Variants in POLR3B observed in about 807,000 individuals in gnomAD.
POLR3B encodes the protein DNA-directed RNA polymerase III subunit RPC2.
A neutral mutation model predicts 147.4 loss-of-function variants in POLR3B; 96 were observed. The observed-to-expected ratio is 0.65, with a 90% confidence interval of 0.55 to 0.77. The LOEUF is 0.77. Among genes scored for constraint, POLR3B ranks in the 30% least tolerant of loss-of-function variants. The pLI, the probability that POLR3B is intolerant of heterozygous loss-of-function variation, is 0.00. For synonymous variants in POLR3B, 461 were observed against 485.9 expected, an observed-to-expected ratio of 0.95 and a Z score of 0.67; for missense variants, 1,036 against 1,413.5, an observed-to-expected ratio of 0.73 and a Z score of 4.28.
At chr12:106,406,034 A>G (rs199750643) in intron 11 of POLR3B, 58 bp downstream of exon 11, 17 of 1,582,412 alleles carry the variant, frequency 1.1e-5, no homozygotes, top group Non-Finnish European at 1.5e-5. Flanking sequence ...TTCCTGTTAG[A>G]GAACTGTGAT....
chr12:106,434,244 G>A (rs987241215), intron 16 of POLR3B, among the ~76,000 whole-genome samples: 1 of 152,142 alleles, frequency 6.6e-6, no homozygotes, highest in African/African-American at 2.4e-5. Flanking sequence ...TAAGAAATGA[G>A]GAAACTGAGG....
intron 12 of POLR3B, among the ~76,000 whole-genome samples, chr12:106,416,733 A>G (rs2037308702): frequency 6.6e-6 from 1 of 152,108 alleles, no homozygotes; most frequent in South Asian, 2.1e-4. Context: ...ATTCATAAGC[A>G]CAGTTTCCTC....
At chr12:106,408,274 A>G (rs1009027415) in intron 11 of POLR3B, among the ~76,000 whole-genome samples, 1 of 152,150 alleles carries the variant, frequency 6.6e-6, no homozygotes, top group Non-Finnish European at 1.5e-5. Context: ...GTGTAGAGGG[A>G]AAAACACGGG....
In POLR3B at chr12:106,510,162, T is replaced by G. The variant is rs1260991869; in HGVS notation, c.*613T>G. 2.6e-5 allele frequency: 4 copies of G among 155,870 alleles called. No individual in the cohort carries two copies. The highest frequency in any genetic ancestry group is 9.6e-5 in the African/African-American group (4 of 41,490). The allele number at this position is 155,870 out of a possible 1,614,324, so 9.7% of individuals were successfully genotyped here. A position where few individuals can be genotyped will look rare whatever the true frequency, so the allele number is the denominator to read the frequency against. On this transcript the variant is annotated 3_prime_UTR_variant, in exon 28 of 28. Coordinates refer to ENST00000228347, the MANE Select transcript of POLR3B (RefSeq NM_018082.6). ...CTATTATTTTAAACCTGCATGATTG[T>G]ACCATGCAATACTATTCGTTAAATA...
At chr12:106,495,327 ATTCCATTTCTAATTCT>A (rs2038462911) in intron 23 of POLR3B, among the ~76,000 whole-genome samples, 1 of 152,162 alleles carries the variant, frequency 6.6e-6, no homozygotes, top group South Asian at 2.1e-4. Flanking sequence ...CATTCTTAGA[ATTCCATTTCTAATTCT>A]AGCCTTTTTT....
chr12:106,412,119 T>C (rs945242251), intron 12 of POLR3B, among the ~76,000 whole-genome samples: 2 of 152,208 alleles, frequency 1.3e-5, no homozygotes, highest in Non-Finnish European at 2.9e-5. Flanking sequence ...TTTCTTCTTA[T>C]GTCTGATAAT....
rs2038494965 is a variant in POLR3B, at chr12:106,496,823, G to A, written c.2889G>A (p.Ala963=). The A allele has an allele frequency of 1.1e-5, 17 of 1,613,976 alleles. No homozygotes were observed. The highest frequency in any genetic ancestry group is 1.4e-5 in the Non-Finnish European group (16 of 1,179,884). ...ACGGCAGATTCCACTACGGCACTGCGTTTGGAGGCAGTAAAGTGAAGGATG... is the reference window on the plus strand; with the variant it reads ...ACGGCAGATTCCACTACGGCACTGCATTTGGAGGCAGTAAAGTGAAGGATG... ...VLDGRFHYGT[A]FGGSKVKDVC... The change falls in exon 25 of 28, where the codon GCG becomes GCA. Residue 963 remains alanine, a synonymous_variant. Coordinates refer to ENST00000228347, the MANE Select transcript of POLR3B (RefSeq NM_018082.6).
At chr12:106,387,109 T>G (rs1289264824) in intron 9 of POLR3B, among the ~76,000 whole-genome samples, 1 of 152,236 alleles carries the variant, frequency 6.6e-6, no homozygotes. Context: ...TTCCTTGCAT[T>G]ATTTAAATTT....
At chr12:106,432,870 A>G (rs181715324) in intron 15 of POLR3B, among the ~76,000 whole-genome samples, 1 of 152,292 alleles carries the variant, frequency 6.6e-6, no homozygotes, top group East Asian at 1.9e-4. Context: ...CTGATAATCA[A>G]TATGTCAGCA....
chr12:106,446,432 A>G (rs910412040), intron 19 of POLR3B: 8 of 344,498 alleles, frequency 2.3e-5, no homozygotes, highest in African/African-American at 8.7e-5. Context: ...AAAAAAAAAA[A>G]AAAGAAAAGA....
At chr12:106,490,854 C>A (rs1354054326) in intron 23 of POLR3B, among the ~76,000 whole-genome samples, 1 of 152,216 alleles carries the variant, frequency 6.6e-6, no homozygotes, top group African/African-American at 2.4e-5. Flanking sequence ...CCTACTGCTT[C>A]TTTGGCCCCA....
In POLR3B at chr12:106,430,321, C is replaced by G. The variant is rs1204338520; in HGVS notation, c.1312C>G (p.Gln438Glu). The change falls in exon 14 of 28, where the codon CAA (glutamine) becomes GAA (glutamate). Residue 438 changes from glutamine to glutamate, a missense_variant. Transcript: ENST00000228347. Reference sequence around the variant, plus strand: ...TAAAATGGACCGCCAGGGTGTAACCCAAGTGCTGTCTCGCTTGTCATATAT... The same window carrying G: ...TAAAATGGACCGCCAGGGTGTAACCGAAGTGCTGTCTCGCTTGTCATATAT... ...RFKMDRQGVT[Q>E]VLSRLSYISA... 1 of 1,614,000 alleles carries G rather than the reference C, an allele frequency of 6.2e-7. No homozygotes were observed. Among genetic ancestry groups the G allele is most frequent in the South Asian group, 1.1e-5 (1 of 91,068 alleles).
chr12:106,372,794 G>T (rs1235058656), intron 6 of POLR3B, among the ~76,000 whole-genome samples: 3 of 151,782 alleles, frequency 2.0e-5, no homozygotes, highest in African/African-American at 7.3e-5. Flanking sequence ...TTTCCTTCTT[G>T]TTTTTAATTA....
At chr12:106,359,558 C>G (rs1258178127) in intron 1 of POLR3B, among the ~76,000 whole-genome samples, 2 of 152,072 alleles carry the variant, frequency 1.3e-5, no homozygotes, top group Admixed American at 6.5e-5. Context: ...TCTCGAACTC[C>G]TGACCTCGTG....
intron 12 of POLR3B, among the ~76,000 whole-genome samples, chr12:106,419,846 A>C (rs1455593509): frequency 2.3e-5 from 2 of 87,268 alleles, no homozygotes; most frequent in African/African-American, 8.0e-5. Context: ...CATTCTGGTT[A>C]TGTGTTACTC....
intron 23 of POLR3B, among the ~76,000 whole-genome samples, chr12:106,467,243 GCTCT>G (rs2038018719): frequency 1.3e-5 from 2 of 152,172 alleles, no homozygotes; most frequent in South Asian, 2.1e-4. Flanking sequence ...TCATGATTTT[GCTCT>G]CTGTTTGTCT....
intron 16 of POLR3B, among the ~76,000 whole-genome samples, 179 bp downstream of exon 16, chr12:106,434,051 T>C (rs1259268630): frequency 6.6e-6 from 1 of 152,208 alleles, no homozygotes; most frequent in Non-Finnish European, 1.5e-5. Flanking sequence ...TTCAGATTAA[T>C]GGGAGACAGA....
At chr12:106,381,626 A>G (rs552972619) in intron 9 of POLR3B, among the ~76,000 whole-genome samples, 1 of 152,216 alleles carries the variant, frequency 6.6e-6, no homozygotes, top group Non-Finnish European at 1.5e-5. Flanking sequence ...TACTTTCTTC[A>G]TTAAAGTCTT....
intron 23 of POLR3B, among the ~76,000 whole-genome samples, chr12:106,467,527 T>G (rs570863135): frequency 1.3e-5 from 2 of 152,332 alleles, no homozygotes; most frequent in South Asian, 4.1e-4. Flanking sequence ...CCTTGTCTTG[T>G]GCCAGTTTTC....
Sources: gnomAD v4.1 joint callset for allele counts (sites outside exome capture counted in the v4.1 genomes callset) on GRCh38, gnomAD v4.1.1 for gene constraint, MANE v1.5 for transcripts, NCBI Gene and HGNC (gene_info 2026-07-23, HGNC 2026-07-21) for gene names.